SH2D4B: variants seen among roughly 807,000 people sequenced by gnomAD.
SH2D4B encodes the protein SH2 domain containing 4B.
SH2D4B carries 45 observed loss-of-function variants against 61.5 expected under a neutral mutation model. The ratio of observed to expected loss-of-function variants is 0.73; its 90% CI spans 0.58 to 0.94. The LOEUF is 0.94. Ranked by LOEUF, SH2D4B falls within the 40% of genes least tolerant of loss-of-function variation. SH2D4B has a pLI of 0.00. For synonymous variants in SH2D4B, 224 were observed against 220.4 expected, an observed-to-expected ratio of 1.02 and a Z score of -0.14; for missense variants, 572 against 574.2, an observed-to-expected ratio of 1.00 and a Z score of 0.04.
At chr10:80,629,823 C>T (rs190391707) in intron 6 of SH2D4B, among the ~76,000 whole-genome samples, 4 of 152,310 alleles carry the variant, frequency 2.6e-5, no homozygotes, top group South Asian at 2.1e-4. Flanking sequence ...ACCTCAAACT[C>T]GGTTTCAGAG....
chr10:80,551,549 A>G (rs1841761716), intron 1 of SH2D4B, among the ~76,000 whole-genome samples: 1 of 152,206 alleles, frequency 6.6e-6, no homozygotes, highest in Non-Finnish European at 1.5e-5. Context: ...AAAAATGAAC[A>G]AGCAATTGCA....
chr10:80,553,697 T>C, intron 1 of SH2D4B, among the ~76,000 whole-genome samples: 1 of 152,182 alleles, frequency 6.6e-6, no homozygotes, highest in East Asian at 1.9e-4. Flanking sequence ...GTGATGGTGG[T>C]GGCTTAGCGT....
At chr10:80,608,758 G>A (rs913594344) in intron 5 of SH2D4B, among the ~76,000 whole-genome samples, 6 of 151,398 alleles carry the variant, frequency 4.0e-5, no homozygotes, top group African/African-American at 1.5e-4. Flanking sequence ...GTTTCCTTCC[G>A]CCTCCGTATC....
At chr10:80,556,031 CT>C (rs1346040198) in intron 1 of SH2D4B, among the ~76,000 whole-genome samples, 2 of 151,978 alleles carry the variant, frequency 1.3e-5, no homozygotes, top group African/African-American at 4.8e-5. Flanking sequence ...TGGAAAGTGC[CT>C]TTTTATTTGC....
At chr10:80,629,707 T>C (rs1364776114) in intron 6 of SH2D4B, among the ~76,000 whole-genome samples, 1 of 152,250 alleles carries the variant, frequency 6.6e-6, no homozygotes, top group East Asian at 1.9e-4. Flanking sequence ...TAGATATTTA[T>C]TGTGATTTTT....
intron 3 of SH2D4B, among the ~76,000 whole-genome samples, chr10:80,587,272 G>T (rs1421194188): frequency 1.3e-5 from 2 of 148,780 alleles, no homozygotes; most frequent in Admixed American, 6.9e-5. Flanking sequence ...TCTTGTTTTT[G>T]TTGTTGTTGT....
At chr10:80,608,171 T>C (rs1329224295) in intron 5 of SH2D4B, among the ~76,000 whole-genome samples, 1 of 152,160 alleles carries the variant, frequency 6.6e-6, no homozygotes, top group Non-Finnish European at 1.5e-5. Flanking sequence ...CAATTTGCTC[T>C]GGAAATGGCT....
Position 80,603,752 on chromosome 10 carries a change from C to G in SH2D4B, c.817C>G (p.Leu273Val). Residue 273 changes from leucine (L) to valine (V), a missense_variant, in exon 5 of 8, where the codon CTC (leucine) becomes GTC (valine). Transcript: ENST00000646907. ...HEQEARLYHH[L>V]PDPGLPQPLA... ...GCAGGAGGCAAGACTCTACCACCAC[C>G]TCCCCGACCCGGGTCTGCCGCAGCC... 1 of 1,612,854 alleles carries G rather than the reference C, an allele frequency of 6.2e-7. No individual in the cohort carries two copies. The highest frequency in any genetic ancestry group is 8.5e-7 in the Non-Finnish European group (1 of 1,179,924).
intron 6 of SH2D4B, among the ~76,000 whole-genome samples, chr10:80,610,634 C>T (rs1300973595): frequency 6.6e-6 from 1 of 152,176 alleles, no homozygotes; most frequent in African/African-American, 2.4e-5. Context: ...GGACCAAGTA[C>T]AGAAATACCT....
intron 6 of SH2D4B, among the ~76,000 whole-genome samples, chr10:80,614,166 C>T (rs1842633167): frequency 6.6e-6 from 1 of 152,094 alleles, no homozygotes; most frequent in East Asian, 1.9e-4. Context: ...AAACAAATAC[C>T]CGAGGCTGGG....
chr10:80,642,320 T>C (rs2132168459), intron 7 of SH2D4B, among the ~76,000 whole-genome samples: 1 of 152,354 alleles, frequency 6.6e-6, no homozygotes, highest in Admixed American at 6.5e-5. Flanking sequence ...TACTAAATAA[T>C]TGAATGCAGT....
At chr10:80,568,513 G>A (rs934324368) in intron 1 of SH2D4B, among the ~76,000 whole-genome samples, 2 of 152,180 alleles carry the variant, frequency 1.3e-5, no homozygotes, top group Non-Finnish European at 2.9e-5. Context: ...CTTGGTCAGT[G>A]ATGCTCCTTG....
At position 80,538,519 on chromosome 10, in the gene SH2D4B, C is replaced by T. The variant is rs569631787; in HGVS notation, c.184+4C>T. On this transcript the variant is annotated splice_donor_region_variant and intron_variant, in intron 1 of 7. Transcript: ENST00000646907. The surrounding 1 kb of genome is among the most constrained non-coding windows in gnomAD (Gnocchi z 4.8). ...AGGCCTCCAAAGACCAAGCGAGGTA[C>T]GTGGCTGGGAGTCACAGAGAGGTAG... 40 of 1,378,434 alleles carry T rather than the reference C, an allele frequency of 2.9e-5. No homozygotes were observed. Among genetic ancestry groups the T allele is most frequent in the South Asian group, 1.1e-4 (6 of 55,350 alleles). The allele number at this position is 1,378,434 out of a possible 1,614,324, so 85.4% of individuals were successfully genotyped here.
intron 3 of SH2D4B, among the ~76,000 whole-genome samples, chr10:80,584,741 G>A (rs920790724): frequency 6.6e-6 from 1 of 152,216 alleles, no homozygotes; most frequent in Non-Finnish European, 1.5e-5. Flanking sequence ...TACAGATTAT[G>A]AGGCAAATTT....
intron 6 of SH2D4B, among the ~76,000 whole-genome samples, chr10:80,616,261 C>T (rs7071690): frequency 0.53 from 80,921 of 152,060 alleles, 23,036 homozygotes; most frequent in East Asian, 0.73. Context: ...TAATTTTCTT[C>T]TCTTGGGCAG....
At chr10:80,632,344 G>A (rs7908569) in intron 6 of SH2D4B, among the ~76,000 whole-genome samples, 4,103 of 152,084 alleles carry the variant, frequency 0.027, 195 homozygotes, top group African/African-American at 0.095. Context: ...TAGCCATCCC[G>A]CAGTGCATAC....
chr10:80,577,285 C>G (rs1171821343), intron 3 of SH2D4B, among the ~76,000 whole-genome samples: 1 of 152,186 alleles, frequency 6.6e-6, no homozygotes, highest in African/African-American at 2.4e-5. Flanking sequence ...CCAGCCCATC[C>G]CAGTGAATGA....
chr10:80,577,672 C>T (rs7902939), intron 3 of SH2D4B, among the ~76,000 whole-genome samples: 5 of 151,184 alleles, frequency 3.3e-5, no homozygotes, highest in South Asian at 2.1e-4. Flanking sequence ...GCGATCCACC[C>T]GCCTCAGCCT....
chr10:80,574,439 C>A (rs1045117498), intron 3 of SH2D4B, among the ~76,000 whole-genome samples: 4 of 151,874 alleles, frequency 2.6e-5, no homozygotes, highest in African/African-American at 4.8e-5. Flanking sequence ...CCTACCCATG[C>A]ATTTCTTTTT....
Sources: gnomAD v4.1 joint callset for allele counts (sites outside exome capture counted in the v4.1 genomes callset) on GRCh38, gnomAD v4.1.1 for gene constraint, Gnocchi (gnomAD v3.1) non-coding constraint, MANE v1.5 for transcripts, NCBI Gene and HGNC (gene_info 2026-07-23, HGNC 2026-07-21) for gene names.